Variants in GYPC observed in about 807,000 individuals in gnomAD.
The protein encoded by GYPC is glycophorin C (Gerbich blood group).
Under a neutral mutation model 12.6 loss-of-function variants are expected in GYPC, and 14 were observed. That is an observed-to-expected ratio of 1.11 (90% CI 0.74 to 1.74). The LOEUF (loss-of-function observed/expected upper bound fraction) is 1.74. Among genes scored for constraint, GYPC ranks in the 40% most tolerant of loss-of-function variants. GYPC has a pLI of 0.00. For missense variants in GYPC, 225 were observed against 172.1 expected (o/e 1.31, Z -1.72); for synonymous variants, 78 against 62.1 (o/e 1.26, Z -1.20).
intron 1 of GYPC, among the ~76,000 whole-genome samples, chr2:126,689,297 T>A (rs562564235): frequency 5.8e-4 from 88 of 152,280 alleles, no homozygotes; most frequent in African/African-American, 1.9e-3. Flanking sequence ...TGTGTGATCA[T>A]GGGCACATCA....
chr2:126,692,665 T>C (rs1161449770), intron 2 of GYPC, among the ~76,000 whole-genome samples: 2 of 152,134 alleles, frequency 1.3e-5, no homozygotes, highest in Admixed American at 1.3e-4. Context: ...GTCCCCAATG[T>C]CCTAGACATC....
At chr2:126,690,726 T>G (rs879401441) in intron 2 of GYPC, among the ~76,000 whole-genome samples, 59 of 152,138 alleles carry the variant, frequency 3.9e-4, no homozygotes, top group South Asian at 1.7e-3. Context: ...ATTATTTTCT[T>G]CCCTGGGTCC....
At chr2:126,695,276 G>A (rs28387228) in intron 3 of GYPC, among the ~76,000 whole-genome samples, 2 of 152,188 alleles carry the variant, frequency 1.3e-5, no homozygotes, top group Non-Finnish European at 2.9e-5. Context: ...TCCAAACAAG[G>A]TTCAGTCCTG....
At chr2:126,678,633 C>A (rs1288912279) in intron 1 of GYPC, 1 of 152,598 alleles carries the variant, frequency 6.6e-6, no homozygotes, top group Non-Finnish European at 1.5e-5. Context: ...TGCTCCTGCA[C>A]TTTTCCTTCC....
At chr2:126,678,038 G>C (rs548122446) in intron 1 of GYPC, among the ~76,000 whole-genome samples, 2 of 152,124 alleles carry the variant, frequency 1.3e-5, no homozygotes, top group African/African-American at 4.8e-5. Context: ...TGGCTAACAC[G>C]GTGAAACCCC....
intron 1 of GYPC, among the ~76,000 whole-genome samples, chr2:126,683,018 G>A (rs1172135222): frequency 1.3e-5 from 2 of 152,186 alleles, no homozygotes; most frequent in African/African-American, 2.4e-5. Context: ...TATGCCATGA[G>A]TAAAGAAGGA....
At chr2:126,666,007 G>A (rs933204785) in intron 1 of GYPC, among the ~76,000 whole-genome samples, 1 of 152,174 alleles carries the variant, frequency 6.6e-6, no homozygotes, top group Non-Finnish European at 1.5e-5. Context: ...GATCGTTACA[G>A]CCCTGAGGTC....
At position 126,656,320 on chromosome 2, in the gene GYPC, C is replaced by T. The variant is rs758990733; in HGVS notation, c.49+8C>T. The T allele has an allele frequency of 1.3e-5, 21 of 1,589,078 alleles. No homozygotes were observed. Among genetic ancestry groups the T allele is most frequent in the Admixed American group, 8.7e-5 (5 of 57,742 alleles). ...CGTGGCCTCTCAGCCTCGGTGAGTA[C>T]CCGCCGTGGGGAAGGGTCCTGGGGA... is the stretch of plus-strand genomic sequence containing the variant. On this transcript the variant is annotated splice_region_variant and intron_variant, in intron 1 of 3. Coordinates refer to ENST00000259254, the MANE Select transcript of GYPC (RefSeq NM_002101.5).
At chr2:126,674,559 G>A (rs1037651120) in intron 1 of GYPC, among the ~76,000 whole-genome samples, 2 of 152,240 alleles carry the variant, frequency 1.3e-5, no homozygotes, top group Non-Finnish European at 2.9e-5. Flanking sequence ...TCCCACAGGT[G>A]TGACAGGATT....
intron 2 of GYPC, among the ~76,000 whole-genome samples, chr2:126,691,686 A>G (rs1683470176): frequency 6.6e-6 from 1 of 152,200 alleles, no homozygotes; most frequent in Admixed American, 6.5e-5. Context: ...ATCTCCAAGC[A>G]GTGTTCTTGC....
At chr2:126,671,510 C>A (rs763154777) in intron 1 of GYPC, among the ~76,000 whole-genome samples, 2 of 152,200 alleles carry the variant, frequency 1.3e-5, no homozygotes, top group Admixed American at 6.5e-5. Flanking sequence ...CTCTCCCTAC[C>A]GGGAGGCCAT....
At chr2:126,658,414 C>T (rs1682432030) in intron 1 of GYPC, 1 of 152,262 alleles carries the variant, frequency 6.6e-6, no homozygotes, top group Non-Finnish European at 1.5e-5. Flanking sequence ...AACCCATCTG[C>T]AGTGAGTAGG....
chr2:126,680,642 G>A (rs184467437), intron 1 of GYPC, among the ~76,000 whole-genome samples: 123 of 152,310 alleles, frequency 8.1e-4, no homozygotes, highest in African/African-American at 2.9e-3. Flanking sequence ...AGGGACTGGG[G>A]GTGAACCATG....
chr2:126,683,514 T>C (rs1487274540), intron 1 of GYPC, among the ~76,000 whole-genome samples: 2 of 152,218 alleles, frequency 1.3e-5, no homozygotes, highest in African/African-American at 4.8e-5. Context: ...TTGGAGACGA[T>C]GGTTCCACTT....
At chr2:126,695,806 C>T in intron 3 of GYPC, 140 bp from the exon 4 acceptor site, 2 of 738,278 alleles carry the variant, frequency 2.7e-6, no homozygotes, top group South Asian at 2.8e-5. Flanking sequence ...AGGAACCTGG[C>T]TCCCATCATA....
At chr2:126,659,099 A>G (rs1682454891) in intron 1 of GYPC, among the ~76,000 whole-genome samples, 1 of 150,790 alleles carries the variant, frequency 6.6e-6, no homozygotes, top group Non-Finnish European at 1.5e-5. Flanking sequence ...GAAAGTCACT[A>G]TTTCCCTGCG....
intron 2 of GYPC, among the ~76,000 whole-genome samples, chr2:126,691,389 T>C (rs1000799229): frequency 4.2e-4 from 64 of 152,150 alleles, no homozygotes; most frequent in African/African-American, 1.4e-3. Flanking sequence ...GAGGGGTGAC[T>C]GCCCCTCGCA....
chr2:126,682,138 C>G (rs77643313), intron 1 of GYPC, among the ~76,000 whole-genome samples: 1 of 152,198 alleles, frequency 6.6e-6, no homozygotes, highest in Non-Finnish European at 1.5e-5. Flanking sequence ...GATACACGGG[C>G]CTTCCTGGCT....
chr2:126,676,114 C>T (rs1368986212), intron 1 of GYPC, among the ~76,000 whole-genome samples: 1 of 152,218 alleles, frequency 6.6e-6, no homozygotes, highest in East Asian at 1.9e-4. Context: ...ACAGATCCAC[C>T]CCTGTAACTG....
Sources: gnomAD v4.1 joint callset for allele counts (sites outside exome capture counted in the v4.1 genomes callset) on GRCh38, gnomAD v4.1.1 for gene constraint, MANE v1.5 for transcripts, NCBI Gene and HGNC (gene_info 2026-07-23, HGNC 2026-07-21) for gene names.